DCP2: variants seen among roughly 807,000 people sequenced by gnomAD.
The protein encoded by DCP2 is decapping mRNA 2, also known as m7GpppN-mRNA hydrolase.
Under a neutral mutation model 56.1 loss-of-function variants are expected in DCP2, and 30 were observed. The ratio of observed to expected loss-of-function variants is 0.53; its 90% confidence interval spans 0.40 to 0.73. The LOEUF (loss-of-function observed/expected upper bound fraction) is 0.73. Ranked by LOEUF, DCP2 falls within the 30% of genes least tolerant of loss-of-function variation. The probability of loss-of-function intolerance (pLI) is 0.00; values close to 1 mark genes in which losing one functional copy is unlikely to be tolerated. For missense variants in DCP2, 533 were observed against 502.7 expected (o/e 1.06, Z -0.58); for synonymous variants, 197 against 163.3 (o/e 1.21, Z -1.57).
intron 8 of DCP2, among the ~76,000 whole-genome samples, chr5:113,007,416 A>T (rs188456898): frequency 7.6e-4 from 112 of 146,674 alleles, no homozygotes; most frequent in African/African-American, 2.6e-3. Flanking sequence ...TTTTTTTTTG[A>T]AAAAGAGATA....
intron 4 of DCP2, among the ~76,000 whole-genome samples, chr5:112,995,271 T>C (rs1748796280): frequency 6.6e-6 from 1 of 152,222 alleles, no homozygotes; most frequent in Admixed American, 6.5e-5. Context: ...TGTGAGGAAT[T>C]GCCATATCAC....
intron 1 of DCP2, among the ~76,000 whole-genome samples, chr5:112,983,663 G>A (rs1748115362): frequency 6.6e-6 from 1 of 152,106 alleles, no homozygotes; most frequent in Admixed American, 6.6e-5. Flanking sequence ...CAACACTGGG[G>A]ATGGAAGGAA....
chr5:113,000,420 A>ACACACACC (rs112449298), intron 4 of DCP2, among the ~76,000 whole-genome samples: 2,233 of 146,726 alleles, frequency 0.015, 55 homozygotes, highest in African/African-American at 0.034. Flanking sequence ...ACACACACAC[A>ACACACACC]CACACCCACA....
At chr5:113,004,596 A>G (rs1361251852) in intron 8 of DCP2, among the ~76,000 whole-genome samples, 3 of 152,098 alleles carry the variant, frequency 2.0e-5, no homozygotes, top group African/African-American at 7.2e-5. Flanking sequence ...ACATTCCTAT[A>G]CCTGTCTTTT....
chr5:112,994,195 AG>A (rs1352276613), intron 4 of DCP2, among the ~76,000 whole-genome samples: 1 of 126,586 alleles, frequency 7.9e-6, no homozygotes, highest in Non-Finnish European at 1.6e-5. Flanking sequence ...TTTTAAAGAC[AG>A]GGTCTTGCTC....
At chr5:112,987,002 CAA>C (rs1748320184) in intron 2 of DCP2, among the ~76,000 whole-genome samples, 1 of 152,086 alleles carries the variant, frequency 6.6e-6, no homozygotes, top group Admixed American at 6.6e-5. Flanking sequence ...GATTCCGTCT[CAA>C]AGAGAAAAAA....
At chr5:112,984,864 C>A (rs894458172) in intron 1 of DCP2, among the ~76,000 whole-genome samples, 1 of 151,242 alleles carries the variant, frequency 6.6e-6, no homozygotes, top group Non-Finnish European at 1.5e-5. Context: ...GCCACCATAT[C>A]TGGCTAATTT....
At chr5:112,993,937 A>G (rs913920523) in intron 4 of DCP2, among the ~76,000 whole-genome samples, 10 of 151,544 alleles carry the variant, frequency 6.6e-5, no homozygotes, top group African/African-American at 2.4e-4. Context: ...GTCCAGTGGC[A>G]ACATCATAGT....
chr5:112,984,691 A>AT (rs1561685051), intron 1 of DCP2: 16 of 70,328 alleles, frequency 2.3e-4, no homozygotes, highest in African/African-American at 1.2e-3. Flanking sequence ...TTAATTAAAA[A>AT]AAAAAAAAAA....
At chr5:112,987,124 A>C (rs765385981) in intron 2 of DCP2, among the ~76,000 whole-genome samples, 4 of 152,236 alleles carry the variant, frequency 2.6e-5, no homozygotes, top group Admixed American at 6.5e-5. Flanking sequence ...ATTATAAAAG[A>C]AGCTATGTCA....
rs1436961946 is a variant in DCP2, at chr5:112,976,928, C to A, written c.-6C>A. On this transcript the variant is annotated 5_prime_UTR_variant, in exon 1 of 11. Coordinates refer to ENST00000389063, the MANE Select transcript of DCP2 (RefSeq NM_152624.6). ...GGATGCACTGTTCCTGCTGTGGGTC[C>A]TCATCATGGAGACCAAACGGGTGGA... 1 of 1,611,926 alleles carries A rather than the reference C, an allele frequency of 6.2e-7. No individual in the cohort carries two copies.
At chr5:113,001,031 A>ACT in intron 4 of DCP2, 53 bp from the exon 5 acceptor site, 3 of 1,509,320 alleles carry the variant, frequency 2.0e-6, no homozygotes, top group Non-Finnish European at 2.7e-6. Flanking sequence ...ATTTTAATGA[A>ACT]CTAGAGGCCT....
In DCP2 at chr5:112,977,046, C is replaced by T. The variant is rs974267599; in HGVS notation, c.53+60C>T. 5.1e-6 allele frequency: 7 copies of T among 1,382,050 alleles called. No individual in the cohort carries two copies. In the African/African-American group the frequency reaches 7.4e-5, roughly 15 times the overall value. 85.6% of individuals were successfully genotyped at this position (1,382,050 alleles called of 1,614,324 possible). A position where few individuals can be genotyped will look rare whatever the true frequency, so the allele number is the denominator to read the frequency against. On this transcript the variant is annotated intron_variant, in intron 1 of 10. Transcript: ENST00000389063. ...GGGTTTTCTCAGTTTCGCGGACCCC[C>T]AGAGGCCTCTGGGTCTTCTTCCCCG... is the stretch of plus-strand genomic sequence containing the variant.
chr5:113,005,254 T>C (rs1380595639), intron 8 of DCP2, among the ~76,000 whole-genome samples: 1 of 151,924 alleles, frequency 6.6e-6, no homozygotes, highest in African/African-American at 2.4e-5. Flanking sequence ...ATAGAAGATA[T>C]TTGCAAATTA....
At chr5:112,977,979 TTTTG>T (rs938102333) in intron 1 of DCP2, among the ~76,000 whole-genome samples, 39 of 152,116 alleles carry the variant, frequency 2.6e-4, no homozygotes, top group African/African-American at 8.0e-4. Flanking sequence ...TTGTTTGTTT[TTTTG>T]TTTTTATTTT....
At chr5:112,994,163 CTTTTTTTTTTTT>C (rs771514208) in intron 4 of DCP2, among the ~76,000 whole-genome samples, 12 of 75,152 alleles carry the variant, frequency 1.6e-4, no homozygotes, top group East Asian at 1.5e-3. Context: ...TTTTTTCTTT[CTTTTTTTTTTTT>C]TTTTTTTTTT....
chr5:113,008,587 T>C (rs1042536579), intron 9 of DCP2, among the ~76,000 whole-genome samples: 6 of 152,202 alleles, frequency 3.9e-5, no homozygotes, highest in Admixed American at 2.6e-4. Flanking sequence ...TATATTAGGT[T>C]TTCTTATTGT....
In DCP2 at chr5:112,976,961, G is replaced by A; in HGVS notation, c.28G>A (p.Gly10Ser). The A allele has an allele frequency of 4.4e-6, 7 of 1,599,848 alleles. No individual in the cohort carries two copies. Among genetic ancestry groups the A allele is most frequent in the Non-Finnish European group, 6.0e-6 (7 of 1,169,102 alleles). The change falls in exon 1 of 11, where the codon GGC (glycine) becomes AGC (serine). Residue 10 changes from glycine (G) to serine (S), a missense_variant. This residue lies in a region of DCP2 where 137 missense variants were observed against 138.2 expected (regional missense o/e 0.99). Coordinates refer to ENST00000389063, the MANE Select transcript of DCP2 (RefSeq NM_152624.6). ...GGAGACCAAACGGGTGGAGATTCCC[G>A]GCAGCGTCCTGGACGATCTCTGCAG... METKRVEIPGSVLDDLCSRF... is the reference protein window; with the variant it reads METKRVEIPSSVLDDLCSRF...
chr5:112,991,464 T>A (rs561767684), intron 2 of DCP2, among the ~76,000 whole-genome samples: 1 of 152,336 alleles, frequency 6.6e-6, no homozygotes, highest in Admixed American at 6.5e-5. Context: ...CTAGTTTCTT[T>A]GAAACTGGCT....
Sources: gnomAD v4.1 joint callset for allele counts (sites outside exome capture counted in the v4.1 genomes callset) on GRCh38, gnomAD v4.1.1 for gene constraint, gnomAD v4.1.1 regional missense constraint, MANE v1.5 for transcripts, NCBI Gene and HGNC (gene_info 2026-07-23, HGNC 2026-07-21) for gene names.